Variants in DOCK8 observed in about 807,000 individuals in gnomAD.
The protein encoded by DOCK8 is dedicator of cytokinesis protein 8.
Under a neutral mutation model 245.6 loss-of-function variants are expected in DOCK8, and 141 were observed. The observed-to-expected ratio is 0.57, with a 90% CI of 0.50 to 0.66. DOCK8 has a LOEUF of 0.66. Among genes scored for constraint, DOCK8 ranks in the 30% least tolerant of loss-of-function variants. The pLI, the probability that DOCK8 is intolerant of heterozygous loss-of-function variation, is 0.00. For missense variants in DOCK8, 2,965 were observed against 2,603.4 expected, an observed-to-expected ratio of 1.14 and a Z score of -3.02; for synonymous variants, 1,168 against 970.2, an observed-to-expected ratio of 1.20 and a Z score of -3.79.
In DOCK8 at chr9:216,537, C is replaced by CAAAAAAAAAAAAAAAAAA. The variant is rs59529982; in HGVS notation, c.53+1509_53+1526dup. 2.4e-3 allele frequency among the ~76,000 whole-genome samples: 209 copies of CAAAAAAAAAAAAAAAAAA among 88,894 alleles called. 1 individual carries two copies. Among genetic ancestry groups the CAAAAAAAAAAAAAAAAAA allele is most frequent in the African/African-American group, 3.0e-3 (68 of 22,394 alleles). The allele number at this position is 88,894 out of a possible 152,430, so 58.3% of individuals were successfully genotyped here. On this transcript the variant is annotated intron_variant, in intron 1 of 47. Coordinates refer to ENST00000432829, the MANE Select transcript of DOCK8 (RefSeq NM_203447.4). The stretch of plus-strand genomic sequence containing the variant: ...GTGAAACCTTGTCTCAAAAAACAGA[C>CAAAAAAAAAAAAAAAAAA]AAAAAAAAAAAAAAAAAAGCAAAAA...
chr9:433,372 G>C (rs1261385924), intron 37 of DOCK8, among the ~76,000 whole-genome samples: 8 of 152,122 alleles, frequency 5.3e-5, no homozygotes, highest in African/African-American at 1.9e-4. Flanking sequence ...GTCTCTCCCT[G>C]TTTTTGTACT....
At chr9:353,661 C>G (rs1279642964) in intron 14 of DOCK8, among the ~76,000 whole-genome samples, 2 of 152,086 alleles carry the variant, frequency 1.3e-5, no homozygotes, top group East Asian at 3.9e-4. Flanking sequence ...TCTGACAGTT[C>G]TGTCTGGTGG....
intron 16 of DOCK8, among the ~76,000 whole-genome samples, 199 bp downstream of exon 16, chr9:370,499 CTTCAAGAATCCAA>C (rs2053237355): frequency 6.6e-6 from 1 of 152,214 alleles, no homozygotes; most frequent in South Asian, 2.1e-4. Context: ...AAGAACGTGT[CTTCAAGAATCCAA>C]TATAGTTTTG....
chr9:407,722 A>G (rs1427866301), intron 28 of DOCK8, among the ~76,000 whole-genome samples: 1 of 152,184 alleles, frequency 6.6e-6, no homozygotes, highest in Non-Finnish European at 1.5e-5. Context: ...TTGGACTGAA[A>G]AAGATAATGC....
At chr9:289,487 T>C in intron 3 of DOCK8, 23 bp from the exon 4 acceptor site, 2 of 1,605,926 alleles carry the variant, frequency 1.2e-6, no homozygotes, top group Non-Finnish European at 1.7e-6. Flanking sequence ...ATAACGTGTT[T>C]ATTTCATTTT....
At chr9:291,089 C>T (rs1052745255) in intron 4 of DOCK8, among the ~76,000 whole-genome samples, 1 of 152,082 alleles carries the variant, frequency 6.6e-6, no homozygotes, top group Non-Finnish European at 1.5e-5. Flanking sequence ...AAGTTGTTCT[C>T]AAGTTTTTAA....
Position 435,094 on chromosome 9 carries a change from G to A in DOCK8, c.5079+119G>A, listed in dbSNP as rs2056853956. ...CATTTTTGGTTATCACAACTGGGAT[G>A]GGTGAGTAGGTGCTACTGGCATCTG... On this transcript the variant is annotated intron_variant, in intron 39 of 47. Coordinates refer to ENST00000432829, the MANE Select transcript of DOCK8 (RefSeq NM_203447.4). 18 of 1,177,302 alleles carry A rather than the reference G, an allele frequency of 1.5e-5. No homozygotes were observed. The South Asian group carries it at 1.7e-4, about 11-fold the overall frequency. The allele number at this position is 1,177,302 out of a possible 1,614,324, so 72.9% of individuals were successfully genotyped here.
chr9:439,959 A>G (rs1280393816), intron 40 of DOCK8, among the ~76,000 whole-genome samples: 1 of 152,172 alleles, frequency 6.6e-6, no homozygotes, highest in Non-Finnish European at 1.5e-5. Context: ...TATATACTAG[A>G]AAAATATATA....
intron 9 of DOCK8, among the ~76,000 whole-genome samples, chr9:328,660 C>T (rs2050867539): frequency 6.6e-6 from 1 of 151,732 alleles, no homozygotes; most frequent in Non-Finnish European, 1.5e-5. Context: ...TGCATAGTTA[C>T]GTGTTCCCAA....
chr9:367,271 A>T (rs141889690), intron 14 of DOCK8, among the ~76,000 whole-genome samples: 11 of 152,210 alleles, frequency 7.2e-5, no homozygotes, highest in Non-Finnish European at 1.0e-4. Context: ...CCTTCATTCA[A>T]CAAACACTTA....
chr9:439,452 G>C lies in DOCK8; in HGVS notation c.5223+64G>C, dbSNP rs1331939752. 14 of 1,599,202 alleles carry C rather than the reference G, an allele frequency of 8.8e-6. No homozygotes were observed. The African/African-American group carries it at 1.9e-4, about 21-fold the overall frequency. On this transcript the variant is annotated intron_variant, in intron 40 of 47. Coordinates refer to ENST00000432829, the MANE Select transcript of DOCK8 (RefSeq NM_203447.4). Reference sequence around the variant, plus strand: ...TACTCCAGCTGGACTTGGGGTGCTGGGAACACCTGGTCTTAATGGCCCAGT... The same window carrying C: ...TACTCCAGCTGGACTTGGGGTGCTGCGAACACCTGGTCTTAATGGCCCAGT...
At chr9:420,288 T>G in intron 30 of DOCK8, 113 bp from the exon 31 acceptor site, 1 of 1,128,182 alleles carries the variant, frequency 8.9e-7, no homozygotes, top group Non-Finnish European at 1.3e-6. Flanking sequence ...TGTACAGTCA[T>G]GGTATTTTAA....
At chr9:370,033 G>A (rs991408190) in intron 15 of DOCK8, 197 bp from the exon 16 acceptor site, 1 of 621,140 alleles carries the variant, frequency 1.6e-6, no homozygotes, top group Non-Finnish European at 2.9e-6. Flanking sequence ...CAACTCCTGG[G>A]CTCAAGCCAT....
chr9:263,788 T>G (rs1286062717), intron 1 of DOCK8, among the ~76,000 whole-genome samples: 2 of 152,352 alleles, frequency 1.3e-5, no homozygotes, highest in East Asian at 3.9e-4. Flanking sequence ...GGTTTGTGGA[T>G]TTCACTTTTT....
At chr9:417,558 C>T (rs994845590) in intron 29 of DOCK8, among the ~76,000 whole-genome samples, 7 of 151,848 alleles carry the variant, frequency 4.6e-5, no homozygotes, top group African/African-American at 7.3e-5. Context: ...AACGGTTTAT[C>T]GTTTTTTTGC....
At chr9:462,162 C>T (rs1383113874) in intron 46 of DOCK8, among the ~76,000 whole-genome samples, 2 of 152,040 alleles carry the variant, frequency 1.3e-5, no homozygotes, top group African/African-American at 4.8e-5. Flanking sequence ...ATTGTGAGCT[C>T]ATCTTTGGCG....
intron 5 of DOCK8, among the ~76,000 whole-genome samples, chr9:310,657 C>T (rs990236508): frequency 1.3e-5 from 2 of 152,148 alleles, no homozygotes; most frequent in Non-Finnish European, 2.9e-5. Context: ...GATGGGGTTT[C>T]ACCATATTGG....
intron 18 of DOCK8, among the ~76,000 whole-genome samples, chr9:374,213 T>G (rs1260112585): frequency 6.6e-6 from 1 of 152,026 alleles, no homozygotes; most frequent in African/African-American, 2.4e-5. Context: ...CCTCTCTTAG[T>G]ATCCTTTAAA....
chr9:253,428 C>G (rs1263341309), intron 1 of DOCK8, among the ~76,000 whole-genome samples: 4 of 152,118 alleles, frequency 2.6e-5, no homozygotes, highest in Admixed American at 2.0e-4. Context: ...AAAAAGACCA[C>G]AGTCTACTTT....
Sources: allele counts gnomAD v4.1 joint callset (sites outside exome capture counted in the v4.1 genomes callset), GRCh38; gene constraint gnomAD v4.1.1; transcripts MANE v1.5; gene names NCBI Gene and HGNC (gene_info 2026-07-23, HGNC 2026-07-21).